The following FOXO1 variants were observed in gnomAD, a reference collection of about 807,000 sequenced individuals.
The protein encoded by FOXO1 is forkhead box protein O1.
FOXO1 carries 6 observed loss-of-function variants against 44.1 expected under a neutral mutation model. The observed-to-expected ratio is 0.14, with a 90% CI of 0.07 to 0.27. The LOEUF is 0.27. Ranked by LOEUF, FOXO1 falls within the 10% of genes least tolerant of loss-of-function variation. The probability of loss-of-function intolerance (pLI) is 1.00; values close to 1 mark genes in which losing one functional copy is unlikely to be tolerated. For missense variants in FOXO1, 737 were observed against 888.8 expected, an observed-to-expected ratio of 0.83 and a Z score of 2.17; for synonymous variants, 380 against 362.7, an observed-to-expected ratio of 1.05 and a Z score of -0.54.
intron 1 of FOXO1, among the ~76,000 whole-genome samples, chr13:40,561,669 T>C (rs948658173): frequency 6.6e-6 from 1 of 151,522 alleles, no homozygotes; most frequent in African/African-American, 2.4e-5. Context: ...ATATAGAATA[T>C]ATAGAATATA....
chr13:40,614,994 A>T (rs1280827128), intron 1 of FOXO1, among the ~76,000 whole-genome samples: 1 of 152,210 alleles, frequency 6.6e-6, no homozygotes, highest in Non-Finnish European at 1.5e-5. Flanking sequence ...ATAGGTGGGT[A>T]TGCAAAAAAC....
intron 1 of FOXO1, among the ~76,000 whole-genome samples, chr13:40,624,145 T>C (rs529709819): frequency 2.3e-4 from 35 of 151,030 alleles, no homozygotes; most frequent in Non-Finnish European, 4.3e-4. Context: ...TCTCTGGAGA[T>C]AAACAAAGCC....
At chr13:40,630,258 G>A (rs949451250) in intron 1 of FOXO1, among the ~76,000 whole-genome samples, 4 of 152,000 alleles carry the variant, frequency 2.6e-5, no homozygotes, top group Admixed American at 6.6e-5. Flanking sequence ...TCTCGGTGTC[G>A]TTTACACACA....
chr13:40,612,281 C>T (rs1566075362), intron 1 of FOXO1, among the ~76,000 whole-genome samples: 1 of 152,132 alleles, frequency 6.6e-6, no homozygotes, highest in Non-Finnish European at 1.5e-5. Context: ...AAAATCCAGG[C>T]TTCCCCACCT....
chr13:40,564,479 G>A (rs951119684), intron 1 of FOXO1, among the ~76,000 whole-genome samples: 10 of 152,224 alleles, frequency 6.6e-5, no homozygotes, highest in Middle Eastern at 3.4e-3. Context: ...CACAGCCAGC[G>A]GGACATTAAA....
chr13:40,600,656 T>C (rs1875784879), intron 1 of FOXO1, among the ~76,000 whole-genome samples: 1 of 152,224 alleles, frequency 6.6e-6, no homozygotes, highest in Non-Finnish European at 1.5e-5. Flanking sequence ...ATGCTAAACT[T>C]AGTAAATTAC....
At chr13:40,620,409 C>A in intron 1 of FOXO1, 1 of 665,278 alleles carries the variant, frequency 1.5e-6, no homozygotes, top group African/African-American at 1.8e-5. Context: ...TACCATAATT[C>A]TTCCTAGGAT....
chr13:40,623,125 A>T (rs886984790), intron 1 of FOXO1, among the ~76,000 whole-genome samples: 24 of 147,360 alleles, frequency 1.6e-4, no homozygotes, highest in South Asian at 6.3e-4. Context: ...GGAATGTTTA[A>T]AAAAAAAAAA....
At chr13:40,637,849 C>A (rs1487893457) in intron 1 of FOXO1, among the ~76,000 whole-genome samples, 1 of 152,188 alleles carries the variant, frequency 6.6e-6, no homozygotes, top group East Asian at 1.9e-4. Flanking sequence ...ATACTGACTT[C>A]CTCAGCAACT....
At chr13:40,620,760 T>C (rs551704662) in intron 1 of FOXO1, among the ~76,000 whole-genome samples, 31 of 151,328 alleles carry the variant, frequency 2.0e-4, no homozygotes, top group African/African-American at 6.8e-4. Flanking sequence ...AAAATTCAAA[T>C]GATTTAGTCA....
chr13:40,579,523 C>A, intron 1 of FOXO1, among the ~76,000 whole-genome samples: 1 of 150,508 alleles, frequency 6.6e-6, no homozygotes, highest in East Asian at 2.0e-4. Context: ...AAAAGACAAG[C>A]AAGGTATAGG....
At chr13:40,591,466 GAGAAGTACAA>G (rs753230435) in intron 1 of FOXO1, among the ~76,000 whole-genome samples, 1 of 152,142 alleles carries the variant, frequency 6.6e-6, no homozygotes, top group Non-Finnish European at 1.5e-5. Flanking sequence ...TCCAGGAATG[GAGAAGTACAA>G]AGCAGCCAGA....
intron 1 of FOXO1, among the ~76,000 whole-genome samples, chr13:40,622,194 T>C (rs1876636954): frequency 6.6e-6 from 1 of 152,214 alleles, no homozygotes; most frequent in Non-Finnish European, 1.5e-5. Context: ...AAATAAGGTA[T>C]ACAATATGCA....
At chr13:40,649,042 C>T (rs1466561155) in intron 1 of FOXO1, among the ~76,000 whole-genome samples, 1 of 152,130 alleles carries the variant, frequency 6.6e-6, no homozygotes, top group East Asian at 1.9e-4. Flanking sequence ...CAGGGACGTC[C>T]CCTGGAGAAG....
At chr13:40,616,431 T>C (rs1876426346) in intron 1 of FOXO1, among the ~76,000 whole-genome samples, 1 of 152,194 alleles carries the variant, frequency 6.6e-6, no homozygotes, top group Non-Finnish European at 1.5e-5. Flanking sequence ...ACAGGTACTC[T>C]GAAAAGTTCT....
intron 1 of FOXO1, among the ~76,000 whole-genome samples, chr13:40,569,426 A>G (rs913198022): frequency 2.0e-5 from 3 of 152,342 alleles, no homozygotes; most frequent in Non-Finnish European, 4.4e-5. Flanking sequence ...ATGACAATAA[A>G]CACTGGCTAT....
rs181682858 is a variant in FOXO1 at position 40,582,323 on chromosome 13, T to C, written c.631-21463A>G. Among the ~76,000 whole-genome samples, 614 of 152,328 alleles carry C rather than the reference T, an allele frequency of 4.0e-3. 3 individuals are homozygous for C. Among genetic ancestry groups the C allele is most frequent in the Non-Finnish European group, 6.1e-3 (413 of 68,026 alleles). ...AGTTGTGATCGGTTGCTGGAGGGCC[T>C]TTGCCTCAATGTTAATTACTGCAGT... On this transcript the variant is annotated intron_variant, in intron 1 of 2. Coordinates refer to ENST00000379561, the MANE Select transcript of FOXO1 (RefSeq NM_002015.4).
rs1237139603 is a variant in FOXO1, at chr13:40,559,876, G to C, written c.1615C>G (p.Leu539Val). 1.2e-6 allele frequency: 2 copies of C among 1,614,160 alleles called. No homozygotes were observed. The highest frequency in any genetic ancestry group is 1.1e-5 in the South Asian group (1 of 91,078). The change falls in exon 2 of 3, where the codon CTG (leucine) becomes GTG (valine). Residue 539 changes from leucine to valine, a missense_variant. By Grantham distance (32) the Leu-to-Val change is conservative. This residue lies in a region of FOXO1 where 283 missense variants were observed against 278.1 expected (regional missense o/e 1.02). Coordinates refer to ENST00000379561, the MANE Select transcript of FOXO1 (RefSeq NM_002015.4). ...QQTSAVNGRP[L>V]PHTVSTMPHT... ...GGCATGGTGCTTACCGTGTGGGGCAGGGGACGCCCGTTAACTGCAGATGTC... is the reference window on the plus strand; with the variant it reads ...GGCATGGTGCTTACCGTGTGGGGCACGGGACGCCCGTTAACTGCAGATGTC...
At chr13:40,595,892 T>A (rs949692374) in intron 1 of FOXO1, among the ~76,000 whole-genome samples, 1 of 151,920 alleles carries the variant, frequency 6.6e-6, no homozygotes, top group African/African-American at 2.4e-5. Context: ...GACATGTGAG[T>A]CTCTTTCCCT....
Sources: allele counts gnomAD v4.1 joint callset (sites outside exome capture counted in the v4.1 genomes callset), GRCh38; gene constraint gnomAD v4.1.1; regional missense constraint gnomAD v4.1.1; transcripts MANE v1.5; gene names NCBI Gene and HGNC (gene_info 2026-07-23, HGNC 2026-07-21).